The following POU6F2 variants were observed in gnomAD, a reference collection of about 807,000 sequenced individuals.
The protein encoded by POU6F2 is POU class 6 homeobox 2, also known as POU domain, class 6, transcription factor 2.
A neutral mutation model predicts 71.3 loss-of-function variants in POU6F2; 31 were observed. The ratio of observed to expected loss-of-function variants is 0.43; its 90% confidence interval spans 0.33 to 0.59. The LOEUF is 0.59. Among genes scored for constraint, POU6F2 ranks in the 20% least tolerant of loss-of-function variants. The pLI is 0.04. For synonymous variants in POU6F2, 347 were observed against 355.7 expected, an observed-to-expected ratio of 0.98 and a Z score of 0.27; for missense variants, 783 against 856.8, an observed-to-expected ratio of 0.91 and a Z score of 1.07.
At chr7:39,404,062 G>A (rs1474636381) in intron 5 of POU6F2, among the ~76,000 whole-genome samples, 1 of 152,160 alleles carries the variant, frequency 6.6e-6, no homozygotes, top group African/African-American at 2.4e-5. Context: ...AAGAGGGAAA[G>A]GCAGCAAAAA....
chr7:39,164,208 TTTTA>T lies in POU6F2; in HGVS notation c.278-40023_278-40020del, dbSNP rs561807147. 1.5e-4 allele frequency among the ~76,000 whole-genome samples: 23 copies of T among 152,040 alleles called. No individual in the cohort carries two copies. The East Asian group carries it at 1.6e-3, about 10-fold the overall frequency. ...TTGTATATATTTATGATATCATAAA[TTTTA>T]TTTGTCAATTAAAAAATAAATAATA... On this transcript the variant is annotated intron_variant, in intron 2 of 9. Coordinates refer to ENST00000518318, the MANE Select transcript of POU6F2 (RefSeq NM_001370959.1).
intron 5 of POU6F2, among the ~76,000 whole-genome samples, chr7:39,393,819 G>A (rs1168593460): frequency 2.6e-5 from 4 of 152,138 alleles, no homozygotes; most frequent in Non-Finnish European, 1.5e-5. Context: ...CCCATGGACT[G>A]ATAAAACAAA....
chr7:38,993,611 A>AACACACACACACACACAC (rs10553247), intron 1 of POU6F2, among the ~76,000 whole-genome samples: 1 of 130,494 alleles, frequency 7.7e-6, no homozygotes, highest in African/African-American at 2.8e-5. Context: ...CAGGATTTTA[A>AACACACACACACACACAC]ACACACACAC....
chr7:39,257,770 C>T (rs889665127), intron 4 of POU6F2, among the ~76,000 whole-genome samples: 4 of 151,874 alleles, frequency 2.6e-5, no homozygotes, highest in East Asian at 1.9e-4. Context: ...CAAATTCCAC[C>T]GAGAAAACCC....
chr7:39,299,225 C>A (rs1784908863), intron 4 of POU6F2, among the ~76,000 whole-genome samples: 2 of 151,976 alleles, frequency 1.3e-5, no homozygotes, highest in East Asian at 1.9e-4. Flanking sequence ...TTTAAACTAC[C>A]CTCACCTGCT....
At chr7:39,431,517 C>A (rs1207337519) in intron 6 of POU6F2, among the ~76,000 whole-genome samples, 2 of 152,144 alleles carry the variant, frequency 1.3e-5, no homozygotes, top group Non-Finnish European at 2.9e-5. Context: ...ACTTACAAAC[C>A]CAGCCCACCA....
chr7:39,239,864 T>C (rs1783690437), intron 4 of POU6F2, among the ~76,000 whole-genome samples: 1 of 152,100 alleles, frequency 6.6e-6, no homozygotes, highest in African/African-American at 2.4e-5. Context: ...GCAAACTTCA[T>C]GACAAAGAGG....
chr7:39,419,601 C>T (rs1357268397), intron 6 of POU6F2, among the ~76,000 whole-genome samples: 2 of 152,076 alleles, frequency 1.3e-5, no homozygotes, highest in African/African-American at 4.8e-5. Flanking sequence ...GTGGGTCATC[C>T]AGCATTACTA....
chr7:39,369,527 A>T (rs1373043108), intron 5 of POU6F2, among the ~76,000 whole-genome samples: 1 of 150,280 alleles, frequency 6.7e-6, no homozygotes, highest in Non-Finnish European at 1.5e-5. Context: ...TGCCCAGCTA[A>T]TTTTTTTTTG....
intron 4 of POU6F2, among the ~76,000 whole-genome samples, chr7:39,301,204 TTG>T (rs1784942715): frequency 6.6e-6 from 1 of 152,104 alleles, no homozygotes; most frequent in South Asian, 2.1e-4. Flanking sequence ...GAAGTTTGGG[TTG>T]TGTTTATTTC....
At chr7:39,109,555 T>C (rs1285221906) in intron 2 of POU6F2, among the ~76,000 whole-genome samples, 1 of 152,172 alleles carries the variant, frequency 6.6e-6, no homozygotes, top group Non-Finnish European at 1.5e-5. Flanking sequence ...TTGATGGAGA[T>C]TTTAGCTTAT....
chr7:39,416,447 C>G (rs1787678037), intron 6 of POU6F2, among the ~76,000 whole-genome samples: 1 of 152,166 alleles, frequency 6.6e-6, no homozygotes. Flanking sequence ...ATAGAAAACC[C>G]TATCCCAGTG....
chr7:39,246,547 G>C (rs1783824506), intron 4 of POU6F2, among the ~76,000 whole-genome samples: 1 of 152,296 alleles, frequency 6.6e-6, no homozygotes, highest in East Asian at 1.9e-4. Flanking sequence ...CCTTAGGCAA[G>C]TTATTTAACC....
chr7:39,288,449 C>T (rs188298041), intron 4 of POU6F2, among the ~76,000 whole-genome samples: 1 of 152,340 alleles, frequency 6.6e-6, no homozygotes, highest in Admixed American at 6.5e-5. Flanking sequence ...AAGTAGCAGA[C>T]ATTCAGCAAA....
chr7:39,209,624 A>G (rs1166710624), intron 4 of POU6F2, among the ~76,000 whole-genome samples: 1 of 152,210 alleles, frequency 6.6e-6, no homozygotes, highest in Non-Finnish European at 1.5e-5. Flanking sequence ...GATGGTAATC[A>G]GGAAAGTCTC....
intron 2 of POU6F2, among the ~76,000 whole-genome samples, chr7:39,195,178 G>A (rs1168429418): frequency 6.6e-6 from 1 of 152,128 alleles, no homozygotes; most frequent in Non-Finnish European, 1.5e-5. Context: ...TAATTTGACT[G>A]CACTGTGAAA....
At chr7:39,175,685 C>T (rs1419150519) in intron 2 of POU6F2, among the ~76,000 whole-genome samples, 1 of 151,960 alleles carries the variant, frequency 6.6e-6, no homozygotes, top group African/African-American at 2.4e-5. Context: ...AGAAAGGGGC[C>T]CACAAAGGCC....
intron 4 of POU6F2, among the ~76,000 whole-genome samples, chr7:39,280,749 G>A (rs1269087049): frequency 1.3e-5 from 2 of 152,192 alleles, no homozygotes; most frequent in African/African-American, 4.8e-5. Flanking sequence ...ATGCAACCAA[G>A]AGAAAATAAG....
intron 1 of POU6F2, among the ~76,000 whole-genome samples, chr7:39,041,616 C>T (rs2128711953): frequency 6.6e-6 from 1 of 151,720 alleles, no homozygotes; most frequent in South Asian, 2.1e-4. Flanking sequence ...TTTATAGGTA[C>T]CCTTTATATT....
Sources: gnomAD v4.1 joint callset for allele counts (sites outside exome capture counted in the v4.1 genomes callset) on GRCh38, gnomAD v4.1.1 for gene constraint, MANE v1.5 for transcripts, NCBI Gene and HGNC (gene_info 2026-07-23, HGNC 2026-07-21) for gene names.